The following GPATCH2 variants were observed in gnomAD, a reference collection of about 807,000 sequenced individuals.
The protein encoded by GPATCH2 is G-patch domain containing 2.
Under a neutral mutation model 58.0 loss-of-function variants are expected in GPATCH2, and 51 were observed. The observed-to-expected ratio is 0.88, with a 90% CI of 0.70 to 1.11. The LOEUF (loss-of-function observed/expected upper bound fraction) is 1.11. Ranked by LOEUF, GPATCH2 falls within the 50% of genes most tolerant of loss-of-function variation. The pLI is 0.00. For missense variants in GPATCH2, 625 were observed against 652.2 expected (o/e 0.96, Z 0.45); for synonymous variants, 222 against 218.5 (o/e 1.02, Z -0.14).
intron 8 of GPATCH2, among the ~76,000 whole-genome samples, chr1:217,467,081 G>T (rs1393388513): frequency 6.6e-6 from 1 of 152,188 alleles, no homozygotes; most frequent in East Asian, 1.9e-4. Context: ...GCTGAGGCAG[G>T]AGAATCGCTT....
At chr1:217,492,861 A>G (rs12078597) in intron 7 of GPATCH2, among the ~76,000 whole-genome samples, 22,585 of 152,158 alleles carry the variant, frequency 0.15, 3,956 homozygotes, top group African/African-American at 0.43. Context: ...TAATGGGACT[A>G]GCTCTCAGTA....
chr1:217,454,641 GAC>G (rs1334188884), intron 8 of GPATCH2, among the ~76,000 whole-genome samples: 4 of 137,194 alleles, frequency 2.9e-5, no homozygotes, highest in African/African-American at 5.4e-5. Context: ...CCCTTTTTGA[GAC>G]AGAGTCTCAC....
intron 1 of GPATCH2, among the ~76,000 whole-genome samples, chr1:217,623,185 T>C (rs1669284736): frequency 6.6e-6 from 1 of 152,156 alleles, no homozygotes; most frequent in Non-Finnish European, 1.5e-5. Flanking sequence ...CTGGAGTAAC[T>C]TACTCTTGGA....
intron 7 of GPATCH2, chr1:217,492,381 C>T (rs952229911): frequency 6.6e-6 from 1 of 152,098 alleles, no homozygotes. Flanking sequence ...CTTGCTTTAC[C>T]CTAACTAATT....
At chr1:217,575,946 T>C (rs901282345) in intron 5 of GPATCH2, among the ~76,000 whole-genome samples, 1 of 152,160 alleles carries the variant, frequency 6.6e-6, no homozygotes, top group African/African-American at 2.4e-5. Flanking sequence ...CATCTATTAC[T>C]GTCCAAGACA....
chr1:217,493,366 A>G (rs954571340), intron 7 of GPATCH2, among the ~76,000 whole-genome samples: 6 of 152,100 alleles, frequency 3.9e-5, no homozygotes, highest in African/African-American at 1.4e-4. Context: ...TTTCTTCTAA[A>G]TTATATATCC....
intron 3 of GPATCH2, 62 bp from the exon 4 acceptor site, chr1:217,611,133 T>C (rs1668605281): frequency 4.9e-6 from 7 of 1,438,590 alleles, no homozygotes; most frequent in Non-Finnish European, 6.7e-6. Context: ...AGTTACACAA[T>C]TAGTCTTGTC....
At chr1:217,601,640 G>T (rs1668113140) in intron 5 of GPATCH2, among the ~76,000 whole-genome samples, 1 of 151,970 alleles carries the variant, frequency 6.6e-6, no homozygotes, top group Non-Finnish European at 1.5e-5. Flanking sequence ...GAACACCCTT[G>T]CTCCTTTCCC....
intron 5 of GPATCH2, among the ~76,000 whole-genome samples, chr1:217,588,840 A>C (rs12027951): frequency 0.21 from 31,498 of 152,154 alleles, 4,206 homozygotes; most frequent in East Asian, 0.52. Flanking sequence ...AATTTCATGG[A>C]GAGAACAAGT....
At chr1:217,479,218 C>T (rs2102514504) in intron 8 of GPATCH2, among the ~76,000 whole-genome samples, 1 of 152,066 alleles carries the variant, frequency 6.6e-6, no homozygotes, top group East Asian at 1.9e-4. Flanking sequence ...ATAGTAAGTA[C>T]ACAGAAAAAC....
At chr1:217,601,140 G>A (rs1283968549) in intron 5 of GPATCH2, among the ~76,000 whole-genome samples, 4 of 152,090 alleles carry the variant, frequency 2.6e-5, no homozygotes, top group African/African-American at 4.8e-5. Context: ...GAAAGCAGAA[G>A]AGTAAACTGG....
intron 5 of GPATCH2, among the ~76,000 whole-genome samples, chr1:217,589,401 A>T (rs139406429): frequency 6.6e-6 from 1 of 152,208 alleles, no homozygotes; most frequent in African/African-American, 2.4e-5. Flanking sequence ...GATAATGACT[A>T]CTACTTTTCC....
intron 5 of GPATCH2, chr1:217,609,664 C>T: frequency 1.0e-6 from 1 of 974,002 alleles, no homozygotes; most frequent in Non-Finnish European, 1.2e-6. Context: ...GAGTAAAATG[C>T]AAATATTTTA....
intron 5 of GPATCH2, among the ~76,000 whole-genome samples, chr1:217,579,494 T>A (rs1248951586): frequency 1.3e-5 from 2 of 152,118 alleles, no homozygotes; most frequent in African/African-American, 4.8e-5. Context: ...ACATTCAGAA[T>A]GAAAGATATA....
intron 5 of GPATCH2, among the ~76,000 whole-genome samples, chr1:217,527,983 A>T (rs1480541711): frequency 6.6e-6 from 1 of 152,208 alleles, no homozygotes; most frequent in Non-Finnish European, 1.5e-5. Flanking sequence ...TTAAAGCCCA[A>T]ATTAGCAAAT....
At chr1:217,496,969 G>A (rs1662042384) in intron 7 of GPATCH2, among the ~76,000 whole-genome samples, 1 of 151,762 alleles carries the variant, frequency 6.6e-6, no homozygotes, top group Non-Finnish European at 1.5e-5. Context: ...GATTTAAAAA[G>A]ATAAAAAAAA....
chr1:217,614,130 C>A lies in GPATCH2; in HGVS notation c.835+11G>T. ...TTTTTCCAAAGAGAGAAAAAAATAT[C>A]ATTTCAGTACCTTGTCTTCCCTCAT... On this transcript the variant is annotated intron_variant, in intron 3 of 9. Coordinates refer to ENST00000366935, the MANE Select transcript of GPATCH2 (RefSeq NM_018040.5). 2 of 1,483,034 alleles carry A rather than the reference C, an allele frequency of 1.3e-6. No individual in the cohort carries two copies. The highest frequency in any genetic ancestry group is 1.9e-6 in the Non-Finnish European group (2 of 1,061,894). 91.9% of individuals were successfully genotyped at this position (1,483,034 alleles called of 1,614,324 possible). A position where few individuals can be genotyped will look rare whatever the true frequency, so the allele number is the denominator to read the frequency against.
chr1:217,543,033 C>T (rs1250247410), intron 5 of GPATCH2, among the ~76,000 whole-genome samples: 1 of 152,158 alleles, frequency 6.6e-6, no homozygotes, highest in African/African-American at 2.4e-5. Context: ...TAAACACCTG[C>T]CATGAGCCAG....
At chr1:217,601,703 C>T (rs1358610112) in intron 5 of GPATCH2, among the ~76,000 whole-genome samples, 1 of 152,056 alleles carries the variant, frequency 6.6e-6, no homozygotes, top group Admixed American at 6.6e-5. Flanking sequence ...CAAGGCTGTC[C>T]AAGGCTGAAA....
Sources: allele counts gnomAD v4.1 joint callset (sites outside exome capture counted in the v4.1 genomes callset), GRCh38; gene constraint gnomAD v4.1.1; transcripts MANE v1.5; gene names NCBI Gene and HGNC (gene_info 2026-07-23, HGNC 2026-07-21).